The following ASAP1 variants were observed in gnomAD, a reference collection of about 807,000 sequenced individuals.
The protein encoded by ASAP1 is arf-GAP with SH3 domain, ANK repeat and PH domain-containing protein 1.
Under a neutral mutation model 145.2 loss-of-function variants are expected in ASAP1, and 43 were observed. That is an observed-to-expected ratio of 0.30 (90% CI 0.23 to 0.38). The LOEUF is 0.38. ASAP1 is among the 10% of genes least tolerant of loss of function. The pLI is 1.00. For synonymous variants in ASAP1, 546 were observed against 515.5 expected, an observed-to-expected ratio of 1.06 and a Z score of -0.80; for missense variants, 1,018 against 1,355.3, an observed-to-expected ratio of 0.75 and a Z score of 3.91.
At chr8:130,329,519 C>T (rs868863457) in intron 3 of ASAP1, among the ~76,000 whole-genome samples, 1 of 152,038 alleles carries the variant, frequency 6.6e-6, no homozygotes, top group African/African-American at 2.4e-5. Flanking sequence ...GTCCTACAGA[C>T]GTAGAAAGTG....
chr8:130,352,439 A>G lies in ASAP1; in HGVS notation c.186+5578T>C, dbSNP rs186101992. 1.6e-4 allele frequency among the ~76,000 whole-genome samples: 25 copies of G among 152,334 alleles called. 1 individual carries two copies. The highest frequency in any genetic ancestry group is 1.0e-4 in the Non-Finnish European group (7 of 68,034). On this transcript the variant is annotated intron_variant, in intron 3 of 29. Coordinates refer to ENST00000518721, the MANE Select transcript of ASAP1 (RefSeq NM_018482.4). The stretch of plus-strand genomic sequence containing the variant: ...CGTAAGATTTCACAGAAAATCACTT[A>G]AGGACCTAACAGTATTTATCAAAGA...
At chr8:130,301,536 T>G (rs879861131) in intron 3 of ASAP1, among the ~76,000 whole-genome samples, 5 of 152,244 alleles carry the variant, frequency 3.3e-5, no homozygotes, top group Non-Finnish European at 7.3e-5. Context: ...TCTGCCTATC[T>G]GAATAATCAT....
intron 13 of ASAP1, among the ~76,000 whole-genome samples, chr8:130,146,472 G>C (rs1284030445): frequency 1.3e-5 from 2 of 152,138 alleles, no homozygotes; most frequent in African/African-American, 4.8e-5. Flanking sequence ...AACTGACAGT[G>C]CTGCTTTCTA....
At chr8:130,249,810 C>CA (rs1301800906) in intron 3 of ASAP1, among the ~76,000 whole-genome samples, 1 of 152,028 alleles carries the variant, frequency 6.6e-6, no homozygotes, top group East Asian at 1.9e-4. Flanking sequence ...TAGATGTGCC[C>CA]AGTGTACAGA....
chr8:130,132,020 T>G (rs1214149815), intron 15 of ASAP1, among the ~76,000 whole-genome samples: 1 of 152,144 alleles, frequency 6.6e-6, no homozygotes, highest in Non-Finnish European at 1.5e-5. Flanking sequence ...CTCACCCAAA[T>G]TACTCACCTG....
chr8:130,389,986 T>C (rs943603671), intron 2 of ASAP1, among the ~76,000 whole-genome samples: 2 of 152,208 alleles, frequency 1.3e-5, no homozygotes, highest in African/African-American at 2.4e-5. Context: ...TTTCTCAAAC[T>C]ACGTCTGCAT....
chr8:130,071,506 T>C (rs1278951364), intron 27 of ASAP1, among the ~76,000 whole-genome samples: 3 of 152,234 alleles, frequency 2.0e-5, no homozygotes, highest in African/African-American at 7.2e-5. Context: ...TAGACTTGTA[T>C]TGCTGCTTGT....
intron 5 of ASAP1, among the ~76,000 whole-genome samples, chr8:130,200,543 C>A (rs1288695885): frequency 6.6e-6 from 1 of 151,374 alleles, no homozygotes; most frequent in Non-Finnish European, 1.5e-5. Flanking sequence ...CAGTATGAAC[C>A]CAATGTTAAA....
chr8:130,422,497 T>TC (rs1441441969), intron 1 of ASAP1, among the ~76,000 whole-genome samples: 3 of 152,340 alleles, frequency 2.0e-5, no homozygotes, highest in East Asian at 1.9e-4. Context: ...CAGTGTACTT[T>TC]CCCGCCTTCT....
At chr8:130,331,136 A>G (rs1484975449) in intron 3 of ASAP1, among the ~76,000 whole-genome samples, 4 of 152,230 alleles carry the variant, frequency 2.6e-5, no homozygotes, top group African/African-American at 9.6e-5. Flanking sequence ...GCAGGCACAC[A>G]TATTAAATGT....
At chr8:130,152,109 A>G (rs2097647795) in intron 13 of ASAP1, among the ~76,000 whole-genome samples, 1 of 152,202 alleles carries the variant, frequency 6.6e-6, no homozygotes, top group Admixed American at 6.5e-5. Flanking sequence ...CTTTTCTACT[A>G]TTCTGCTGGC....
chr8:130,061,049 G>A lies in ASAP1; in HGVS notation c.2722C>T (p.His908Tyr), dbSNP rs1180996004. 1 of 1,527,046 alleles carries A rather than the reference G, an allele frequency of 6.5e-7. No individual in the cohort carries two copies. Among genetic ancestry groups the A allele is most frequent in the East Asian group, 2.3e-5 (1 of 44,276 alleles). The allele number at this position is 1,527,046 out of a possible 1,614,324, so 94.6% of individuals were successfully genotyped here. ...PQKVALRKTD[H>Y]LSLDKATIPP... ...ATGGTGGCTTTGTCTAGGGAGAGAT[G>A]ATCTGTTTTCCTTAGTGCCACTGTG... is the stretch of plus-strand genomic sequence containing the variant. Residue 908 changes from histidine to tyrosine, a missense_variant, in exon 28 of 30, where the codon CAT becomes TAT. Around this residue, in one of 9 missense-constraint regions of ASAP1, gnomAD observed 38 missense variants for 77.2 expected, o/e 0.49. Coordinates refer to ENST00000518721, the MANE Select transcript of ASAP1 (RefSeq NM_018482.4).
At chr8:130,264,724 A>C (rs1199502734) in intron 3 of ASAP1, among the ~76,000 whole-genome samples, 1 of 152,238 alleles carries the variant, frequency 6.6e-6, no homozygotes, top group Non-Finnish European at 1.5e-5. Flanking sequence ...TATGAACATG[A>C]GAAAGGGTGA....
At position 130,052,508 on chromosome 8, in the gene ASAP1, TAAACTC is replaced by T. The variant is rs2097394909; in HGVS notation, c.*2217_*2222del. On this transcript the variant is annotated 3_prime_UTR_variant, in exon 30 of 30. Coordinates refer to ENST00000518721, the MANE Select transcript of ASAP1 (RefSeq NM_018482.4). ...CTGAGTTTAAGATCAAGATCAGACT[TAAACTC>T]AACAAGATCACCAAAGGTATTTCTA... 6.6e-6 allele frequency: 1 copy of T among 152,664 alleles called. No homozygotes were observed. The highest frequency in any genetic ancestry group is 1.9e-4 in the East Asian group (1 of 5,186). The allele number at this position is 152,664 out of a possible 1,614,324, so 9.5% of individuals were successfully genotyped here. A position where few individuals can be genotyped will look rare whatever the true frequency, so the allele number is the denominator to read the frequency against.
chr8:130,077,908 G>A (rs1156775346), intron 26 of ASAP1, among the ~76,000 whole-genome samples: 3 of 151,964 alleles, frequency 2.0e-5, no homozygotes, highest in Admixed American at 6.6e-5. Context: ...TCTCTTGAAA[G>A]AGACTCCATC....
At chr8:130,056,391 C>T (rs2097404238) in intron 29 of ASAP1, among the ~76,000 whole-genome samples, 1 of 152,244 alleles carries the variant, frequency 6.6e-6, no homozygotes, top group African/African-American at 2.4e-5. Context: ...TCCAGTTTCT[C>T]AACCATGGTG....
intron 2 of ASAP1, among the ~76,000 whole-genome samples, chr8:130,391,353 G>T (rs776914646): frequency 6.6e-6 from 1 of 152,152 alleles, no homozygotes; most frequent in African/African-American, 2.4e-5. Flanking sequence ...TCTGGAGATG[G>T]ATTTCGCGGC....
At chr8:130,219,603 A>C (rs1817166660) in intron 4 of ASAP1, among the ~76,000 whole-genome samples, 1 of 152,198 alleles carries the variant, frequency 6.6e-6, no homozygotes, top group African/African-American at 2.4e-5. Context: ...TCTTTACTAC[A>C]TGCGAGTGCT....
At chr8:130,071,655 A>C (rs2097446835) in intron 27 of ASAP1, among the ~76,000 whole-genome samples, 2 of 152,192 alleles carry the variant, frequency 1.3e-5, no homozygotes, top group African/African-American at 4.8e-5. Context: ...AGGGCAAGAG[A>C]TGACACTGCC....
Sources: gnomAD v4.1 joint callset for allele counts (sites outside exome capture counted in the v4.1 genomes callset) on GRCh38, gnomAD v4.1.1 for gene constraint, gnomAD v4.1.1 regional missense constraint, MANE v1.5 for transcripts, NCBI Gene and HGNC (gene_info 2026-07-23, HGNC 2026-07-21) for gene names.